Variants in FAM168A observed in about 807,000 individuals in gnomAD.
FAM168A encodes family with sequence similarity 168 member A.
In FAM168A, 3 loss-of-function variants were observed where a neutral mutation model predicts 28.5. That is an observed-to-expected ratio of 0.11 (90% CI 0.05 to 0.27). The LOEUF is 0.27. Among genes scored for constraint, FAM168A ranks in the 10% least tolerant of loss-of-function variants. The pLI, the probability that FAM168A is intolerant of heterozygous loss-of-function variation, is 1.00. For missense variants in FAM168A, 222 were observed against 311.5 expected, an observed-to-expected ratio of 0.71 and a Z score of 2.16; for synonymous variants, 122 against 124.2, an observed-to-expected ratio of 0.98 and a Z score of 0.12.
chr11:73,539,783 A>T (rs1943631256), intron 1 of FAM168A, among the ~76,000 whole-genome samples: 1 of 152,186 alleles, frequency 6.6e-6, no homozygotes, highest in Non-Finnish European at 1.5e-5. Context: ...GAGATGAATA[A>T]ATCATTCCAG....
intron 1 of FAM168A, among the ~76,000 whole-genome samples, chr11:73,553,529 G>A (rs1419801022): frequency 6.6e-6 from 1 of 152,168 alleles, no homozygotes; most frequent in Non-Finnish European, 1.5e-5. Flanking sequence ...GATCAAATAT[G>A]AAAGGCAGTA....
At chr11:73,510,472 T>C (rs1412480726) in intron 1 of FAM168A, among the ~76,000 whole-genome samples, 3 of 152,154 alleles carry the variant, frequency 2.0e-5, no homozygotes, top group Non-Finnish European at 4.4e-5. Flanking sequence ...GGGTAAGTAT[T>C]AGGTTAGTGC....
intron 1 of FAM168A, among the ~76,000 whole-genome samples, chr11:73,501,800 T>C (rs1365470308): frequency 6.6e-6 from 1 of 151,840 alleles, no homozygotes; most frequent in Non-Finnish European, 1.5e-5. Context: ...AACAGCAAAC[T>C]AATCCAAAAG....
At chr11:73,446,562 A>G (rs1434094150) in intron 2 of FAM168A, among the ~76,000 whole-genome samples, 1 of 152,216 alleles carries the variant, frequency 6.6e-6, no homozygotes, top group Non-Finnish European at 1.5e-5. Context: ...GGTCATGCCC[A>G]TGCAACCTGT....
At chr11:73,588,552 C>T (rs1199750088) in intron 1 of FAM168A, among the ~76,000 whole-genome samples, 1 of 152,050 alleles carries the variant, frequency 6.6e-6, no homozygotes, top group African/African-American at 2.4e-5. Flanking sequence ...ATTAGCAAGA[C>T]ACGGTGGCCT....
At chr11:73,568,452 A>G (rs1314128356) in intron 1 of FAM168A, among the ~76,000 whole-genome samples, 1 of 152,252 alleles carries the variant, frequency 6.6e-6, no homozygotes, top group Non-Finnish European at 1.5e-5. Flanking sequence ...AATATTTTGC[A>G]CTATAATAAT....
chr11:73,580,285 G>A, intron 1 of FAM168A: 2 of 565,436 alleles, frequency 3.5e-6, no homozygotes, highest in South Asian at 2.8e-5. Flanking sequence ...GATGCTAAAG[G>A]AGATAAAGCC....
intron 1 of FAM168A, among the ~76,000 whole-genome samples, chr11:73,471,796 T>C (rs114992120): frequency 0.018 from 2,747 of 152,200 alleles, 67 homozygotes; most frequent in African/African-American, 0.056. Flanking sequence ...TACATGCTAG[T>C]TGGGAGGGGG....
chr11:73,430,856 G>T lies in FAM168A; in HGVS notation c.71-86C>A, dbSNP rs1053808139. 64 of 1,109,404 alleles carry T rather than the reference G, an allele frequency of 5.8e-5. 1 individual carries two copies. In the South Asian group the frequency reaches 9.6e-4, roughly 17 times the overall value. The allele number at this position is 1,109,404 out of a possible 1,614,324, so 68.7% of individuals were successfully genotyped here. Reference sequence around the variant, plus strand: ...AAAACAAAAAAACACCCAGATTTTTGAGGAAATAGAATCCAAGTCCTAGGT... The same window carrying T: ...AAAACAAAAAAACACCCAGATTTTTTAGGAAATAGAATCCAAGTCCTAGGT... On this transcript the variant is annotated intron_variant, in intron 2 of 7. Coordinates refer to ENST00000356467, the MANE Select transcript of FAM168A (RefSeq NM_015159.3).
chr11:73,593,430 T>C (rs1317812182), intron 1 of FAM168A, among the ~76,000 whole-genome samples: 1 of 152,236 alleles, frequency 6.6e-6, no homozygotes, highest in African/African-American at 2.4e-5. Flanking sequence ...CCACTGACTG[T>C]GTAACCTTAA....
chr11:73,587,349 G>A (rs1226025743), intron 1 of FAM168A, among the ~76,000 whole-genome samples: 7 of 151,894 alleles, frequency 4.6e-5, no homozygotes, highest in African/African-American at 1.2e-4. Flanking sequence ...AAAATTAGCC[G>A]GGCATGGTTT....
In FAM168A at chr11:73,403,451, T is replaced by C. The variant is rs1276091499; in HGVS notation, c.*3312A>G. 1 of 152,222 alleles carries C rather than the reference T, an allele frequency of 6.6e-6. No individual in the cohort carries two copies. Among genetic ancestry groups the C allele is most frequent in the African/African-American group, 2.4e-5 (1 of 41,442 alleles). 9.4% of individuals were successfully genotyped at this position (152,222 alleles called of 1,614,324 possible). On this transcript the variant is annotated 3_prime_UTR_variant, in exon 8 of 8. Transcript: ENST00000356467. The stretch of plus-strand genomic sequence containing the variant: ...TTGCACTTGGGGAGAGGCAGTGGCA[T>C]GAGGAGGAGAGAGGGGTTTGCATCC...
At chr11:73,586,493 T>C (rs1215621824) in intron 1 of FAM168A, among the ~76,000 whole-genome samples, 2 of 151,802 alleles carry the variant, frequency 1.3e-5, no homozygotes, top group East Asian at 1.9e-4. Flanking sequence ...CACAGAAAAA[T>C]TGTCAGGTTT....
intron 1 of FAM168A, among the ~76,000 whole-genome samples, chr11:73,504,964 T>C (rs1009870480): frequency 2.0e-5 from 3 of 151,858 alleles, no homozygotes; most frequent in Non-Finnish European, 4.4e-5. Context: ...TGAGAACACA[T>C]GGACACAGAG....
intron 1 of FAM168A, among the ~76,000 whole-genome samples, chr11:73,500,515 C>T (rs1429354464): frequency 6.6e-6 from 1 of 152,142 alleles, no homozygotes; most frequent in Admixed American, 6.6e-5. Flanking sequence ...ACCTTGGCCT[C>T]CCAAAGTGCT....
chr11:73,423,764 G>A (rs1224274343), intron 3 of FAM168A, among the ~76,000 whole-genome samples: 1 of 152,122 alleles, frequency 6.6e-6, no homozygotes, highest in Non-Finnish European at 1.5e-5. Flanking sequence ...TGTACTTGAT[G>A]GCATGTCTTC....
chr11:73,571,093 C>T (rs1438920343), intron 1 of FAM168A, among the ~76,000 whole-genome samples: 1 of 152,180 alleles, frequency 6.6e-6, no homozygotes, highest in Admixed American at 6.5e-5. Flanking sequence ...GAAAAACTGA[C>T]ATCCCCCTGG....
intron 1 of FAM168A, among the ~76,000 whole-genome samples, chr11:73,484,880 G>T (rs1868033228): frequency 6.6e-6 from 1 of 151,758 alleles, no homozygotes; most frequent in Non-Finnish European, 1.5e-5. Flanking sequence ...GATGTTCAAG[G>T]ACAGGAAGCA....
At chr11:73,577,784 T>C (rs1489352297) in intron 1 of FAM168A, among the ~76,000 whole-genome samples, 1 of 152,180 alleles carries the variant, frequency 6.6e-6, no homozygotes, top group Non-Finnish European at 1.5e-5. Context: ...GCATAAAGAA[T>C]GCAAAAACCT....
Sources: gnomAD v4.1 joint callset for allele counts (sites outside exome capture counted in the v4.1 genomes callset) on GRCh38, gnomAD v4.1.1 for gene constraint, MANE v1.5 for transcripts, NCBI Gene and HGNC (gene_info 2026-07-23, HGNC 2026-07-21) for gene names.